IQCM: variants seen among roughly 807,000 people sequenced by gnomAD.
IQCM encodes the protein IQ motif containing M.
A neutral mutation model predicts 57.6 loss-of-function variants in IQCM; 45 were observed. The ratio of observed to expected loss-of-function variants is 0.78; its 90% CI spans 0.62 to 1.00. The LOEUF is 1.00. Among genes scored for constraint, IQCM ranks in the 50% least tolerant of loss-of-function variants. The probability of loss-of-function intolerance (pLI) is 0.00; values close to 1 mark genes in which losing one functional copy is unlikely to be tolerated. For missense variants in IQCM, 468 were observed against 511.6 expected, an observed-to-expected ratio of 0.91 and a Z score of 0.82; for synonymous variants, 148 against 158.9, an observed-to-expected ratio of 0.93 and a Z score of 0.51.
At chr4:149,586,929 CTA>C (rs1247224187) in intron 9 of IQCM, among the ~76,000 whole-genome samples, 3 of 151,588 alleles carry the variant, frequency 2.0e-5, no homozygotes, top group Non-Finnish European at 4.4e-5. Flanking sequence ...CAATTGAAAA[CTA>C]TGCAAGCTGT....
At chr4:149,659,176 C>G (rs1759929046) in intron 7 of IQCM, among the ~76,000 whole-genome samples, 1 of 151,676 alleles carries the variant, frequency 6.6e-6, no homozygotes, top group Non-Finnish European at 1.5e-5. Context: ...TTTTGTGTCT[C>G]TATACACCAA....
At chr4:149,398,812 T>G (rs1178012358) in intron 13 of IQCM, among the ~76,000 whole-genome samples, 3 of 152,084 alleles carry the variant, frequency 2.0e-5, no homozygotes, top group African/African-American at 7.2e-5. Context: ...GCTCAAGTGA[T>G]CCTCCTGACT....
chr4:149,401,431 A>C (rs1223529354), intron 13 of IQCM, among the ~76,000 whole-genome samples: 1 of 151,794 alleles, frequency 6.6e-6, no homozygotes, highest in African/African-American at 2.4e-5. Context: ...ATTTTTTCAC[A>C]CAATTTCAGG....
At chr4:149,739,257 AT>A (rs2149902002) in intron 3 of IQCM, among the ~76,000 whole-genome samples, 1 of 152,148 alleles carries the variant, frequency 6.6e-6, no homozygotes, top group East Asian at 1.9e-4. Context: ...CATGAACCTT[AT>A]TGTCTTAAGC....
intron 5 of IQCM, among the ~76,000 whole-genome samples, chr4:149,705,198 T>G (rs894059174): frequency 2.8e-4 from 41 of 146,768 alleles, no homozygotes; most frequent in African/African-American, 9.8e-4. Context: ...TATTTATATA[T>G]TATAAATATA....
intron 8 of IQCM, among the ~76,000 whole-genome samples, chr4:149,605,844 G>T (rs1387189934): frequency 2.0e-5 from 3 of 151,814 alleles, no homozygotes; most frequent in Non-Finnish European, 4.4e-5. Flanking sequence ...ATTTCTGCTT[G>T]GGGGAAGGCA....
chr4:149,766,319 T>C (rs1384314018), intron 2 of IQCM, among the ~76,000 whole-genome samples: 1 of 152,128 alleles, frequency 6.6e-6, no homozygotes, highest in Non-Finnish European at 1.5e-5. Flanking sequence ...TGCAAAAAAA[T>C]ATTATGACTT....
chr4:149,556,690 G>A (rs970849769), intron 10 of IQCM, among the ~76,000 whole-genome samples: 9 of 152,160 alleles, frequency 5.9e-5, no homozygotes, highest in East Asian at 1.9e-4. Context: ...TATCTCGATC[G>A]CATACACATG....
At chr4:149,728,621 T>A (rs538141092) in intron 5 of IQCM, among the ~76,000 whole-genome samples, 47 of 152,318 alleles carry the variant, frequency 3.1e-4, no homozygotes, top group Non-Finnish European at 6.5e-4. Context: ...TTTATGGGAA[T>A]CACTTATGTG....
chr4:149,753,541 TAGAGAA>T (rs1416566300), intron 2 of IQCM, among the ~76,000 whole-genome samples: 3 of 150,732 alleles, frequency 2.0e-5, no homozygotes, highest in Non-Finnish European at 4.4e-5. Context: ...TGAAATGAGA[TAGAGAA>T]AGAAAGATGA....
Position 149,721,646 on chromosome 4 carries a change from A to G in IQCM, c.385+11598T>C, listed in dbSNP as rs538780890. ...TTCTGTTCTTTTATATGGCTGAGTA[A>G]TATTTCATGGTATAAATATACCACA... is the stretch of plus-strand genomic sequence containing the variant. On this transcript the variant is annotated intron_variant, in intron 5 of 13. Transcript: ENST00000636793. Among the ~76,000 whole-genome samples, 4 of 152,222 alleles carry G rather than the reference A, an allele frequency of 2.6e-5. No homozygotes were observed. The South Asian group carries it at 8.3e-4, about 32-fold the overall frequency.
chr4:149,733,637 G>A lies in IQCM; in HGVS notation c.121-129C>T, dbSNP rs73857718. The A allele has an allele frequency of 4.0e-3, 1,725 of 428,466 alleles. 16 individuals are homozygous for A. The highest frequency in any genetic ancestry group is 0.031 in the African/African-American group (1,510 of 49,178). The allele number at this position is 428,466 out of a possible 1,614,324, so 26.5% of individuals were successfully genotyped here. ...GTACATACATTTTACAAAGTACCTT[G>A]CTATATAAGACATTTACTCTAATGT... On this transcript the variant is annotated intron_variant, in intron 4 of 13. Transcript: ENST00000636793.
At chr4:149,806,981 C>G (rs190220760) in intron 2 of IQCM, among the ~76,000 whole-genome samples, 5 of 151,288 alleles carry the variant, frequency 3.3e-5, no homozygotes, top group Admixed American at 6.6e-5. Context: ...AAAAGAAAAC[C>G]TACAAAACAC....
intron 13 of IQCM, among the ~76,000 whole-genome samples, chr4:149,369,003 TATATACAC>T (rs1434264141): frequency 4.9e-4 from 38 of 77,818 alleles, no homozygotes; most frequent in Non-Finnish European, 7.6e-4. Context: ...TATATATATA[TATATACAC>T]GTGTATATAT....
At chr4:149,451,312 C>A (rs1443435313) in intron 12 of IQCM, among the ~76,000 whole-genome samples, 1 of 151,694 alleles carries the variant, frequency 6.6e-6, no homozygotes, top group African/African-American at 2.4e-5. Flanking sequence ...TTTAATTGTG[C>A]ATTTTAAAAT....
chr4:149,596,213 G>T (rs546607215), intron 8 of IQCM, among the ~76,000 whole-genome samples: 1 of 152,044 alleles, frequency 6.6e-6, no homozygotes, highest in Non-Finnish European at 1.5e-5. Flanking sequence ...TTTGAAAAAA[G>T]ATACAAGGGG....
chr4:149,384,023 T>G (rs1731251657), intron 13 of IQCM, among the ~76,000 whole-genome samples: 2 of 152,152 alleles, frequency 1.3e-5, no homozygotes. Context: ...TTTCTGTGAA[T>G]GTGAAAATCA....
At chr4:149,464,024 TTAGAG>T (rs1406832757) in intron 12 of IQCM, among the ~76,000 whole-genome samples, 1 of 152,200 alleles carries the variant, frequency 6.6e-6, no homozygotes, top group African/African-American at 2.4e-5. Flanking sequence ...AGATAAAAAG[TTAGAG>T]TAAACAGCAC....
At chr4:149,548,328 A>G (rs1392053835) in intron 12 of IQCM, 127 bp downstream of exon 12, 5 of 751,816 alleles carry the variant, frequency 6.7e-6, no homozygotes, top group East Asian at 3.4e-5. Context: ...GCACTTACAC[A>G]AAAAGTTTAG....
Sources: gnomAD v4.1 joint callset for allele counts (sites outside exome capture counted in the v4.1 genomes callset) on GRCh38, gnomAD v4.1.1 for gene constraint, MANE v1.5 for transcripts, NCBI Gene and HGNC (gene_info 2026-07-23, HGNC 2026-07-21) for gene names.